NKAIN2: variants seen among roughly 807,000 people sequenced by gnomAD.
NKAIN2 encodes sodium/potassium-transporting ATPase subunit beta-1-interacting protein 2.
A neutral mutation model predicts 32.6 loss-of-function variants in NKAIN2; 14 were observed. The observed-to-expected ratio is 0.43, with a 90% CI of 0.28 to 0.67. The LOEUF is 0.67. Ranked by LOEUF, NKAIN2 falls within the 30% of genes least tolerant of loss-of-function variation. The pLI is 0.17. For missense variants in NKAIN2, 198 were observed against 258.3 expected (o/e 0.77, Z 1.60); for synonymous variants, 80 against 87.2 (o/e 0.92, Z 0.46).
intron 3 of NKAIN2, among the ~76,000 whole-genome samples, chr6:124,588,915 A>G (rs1446358950): frequency 6.6e-6 from 1 of 152,164 alleles, no homozygotes; most frequent in African/African-American, 2.4e-5. Flanking sequence ...CCATTGGAGG[A>G]ATCTATTTTA....
At chr6:124,345,575 G>C (rs1274041446) in intron 2 of NKAIN2, among the ~76,000 whole-genome samples, 1 of 151,734 alleles carries the variant, frequency 6.6e-6, no homozygotes, top group East Asian at 1.9e-4. Flanking sequence ...GAGTGTATGT[G>C]TCGAGGAATT....
At chr6:124,589,066 T>C (rs1162961857) in intron 3 of NKAIN2, among the ~76,000 whole-genome samples, 2 of 152,272 alleles carry the variant, frequency 1.3e-5, no homozygotes, top group East Asian at 3.9e-4. Context: ...AGGCAAAAGA[T>C]TAGCTTATGA....
intron 3 of NKAIN2, among the ~76,000 whole-genome samples, chr6:124,451,017 G>T (rs897009196): frequency 2.0e-5 from 3 of 152,028 alleles, no homozygotes; most frequent in African/African-American, 7.2e-5. Flanking sequence ...ACTAAAACAT[G>T]CATCAATGAA....
chr6:123,972,893 G>T (rs1268984519), intron 1 of NKAIN2, among the ~76,000 whole-genome samples: 1 of 151,960 alleles, frequency 6.6e-6, no homozygotes, highest in Admixed American at 6.6e-5. Context: ...TACATACTGT[G>T]GTTAGAAAAG....
chr6:124,770,183 AT>A (rs1778686370), intron 4 of NKAIN2, among the ~76,000 whole-genome samples: 1 of 152,176 alleles, frequency 6.6e-6, no homozygotes, highest in African/African-American at 2.4e-5. Flanking sequence ...AAAACATCAC[AT>A]TTTAAATTTA....
intron 1 of NKAIN2, among the ~76,000 whole-genome samples, chr6:124,052,620 T>G (rs1010318469): frequency 6.6e-6 from 1 of 151,970 alleles, no homozygotes; most frequent in African/African-American, 2.4e-5. Context: ...TACAACAATA[T>G]AAGCTTCACA....
chr6:123,834,544 A>T (rs578046108), intron 1 of NKAIN2, among the ~76,000 whole-genome samples: 7 of 152,206 alleles, frequency 4.6e-5, no homozygotes, highest in African/African-American at 1.7e-4. Context: ...CTTCCTTCCC[A>T]ATCTGTGTAT....
intron 3 of NKAIN2, among the ~76,000 whole-genome samples, chr6:124,399,123 C>T (rs1209364564): frequency 6.6e-6 from 1 of 152,170 alleles, no homozygotes; most frequent in Non-Finnish European, 1.5e-5. Context: ...GACAGGGTTT[C>T]ACCATGTTGG....
intron 3 of NKAIN2, among the ~76,000 whole-genome samples, chr6:124,654,765 C>A (rs974635834): frequency 2.0e-5 from 3 of 152,048 alleles, no homozygotes; most frequent in African/African-American, 7.2e-5. Flanking sequence ...GGAATGAAGG[C>A]AGAGATTAGG....
intron 5 of NKAIN2, among the ~76,000 whole-genome samples, chr6:124,814,639 C>T (rs1444398495): frequency 6.6e-6 from 1 of 152,140 alleles, no homozygotes; most frequent in African/African-American, 2.4e-5. Flanking sequence ...CCCCAGGCCA[C>T]TCAAGCTCCA....
intron 4 of NKAIN2, among the ~76,000 whole-genome samples, chr6:124,733,034 A>G (rs10782227): frequency 1.3e-5 from 2 of 151,618 alleles, no homozygotes; most frequent in Non-Finnish European, 2.9e-5. Context: ...CCTTAAGGGC[A>G]TATGTTAACT....
At chr6:124,510,550 A>C (rs953312001) in intron 3 of NKAIN2, among the ~76,000 whole-genome samples, 1 of 152,206 alleles carries the variant, frequency 6.6e-6, no homozygotes, top group Non-Finnish European at 1.5e-5. Flanking sequence ...TAAGAGATTC[A>C]TGCTGTTCTT....
At chr6:124,527,009 C>A (rs1779344633) in intron 3 of NKAIN2, among the ~76,000 whole-genome samples, 2 of 152,076 alleles carry the variant, frequency 1.3e-5, no homozygotes, top group Non-Finnish European at 2.9e-5. Flanking sequence ...TACCACAGTA[C>A]TTAACTACTA....
chr6:123,911,793 A>ATGTG, intron 1 of NKAIN2, among the ~76,000 whole-genome samples: 1 of 104,292 alleles, frequency 9.6e-6, no homozygotes, highest in African/African-American at 4.4e-5. Flanking sequence ...ATATATATAT[A>ATGTG]TATATATGTA....
intron 2 of NKAIN2, among the ~76,000 whole-genome samples, chr6:124,289,848 T>C (rs1795719975): frequency 6.6e-6 from 1 of 152,136 alleles, no homozygotes; most frequent in Non-Finnish European, 1.5e-5. Flanking sequence ...CTTTATTCAA[T>C]TTTTCTAGGA....
intron 1 of NKAIN2, among the ~76,000 whole-genome samples, chr6:124,186,623 T>C (rs530755994): frequency 7.2e-5 from 11 of 152,340 alleles, no homozygotes; most frequent in Non-Finnish European, 1.6e-4. Flanking sequence ...CACCTGTGTC[T>C]AGGAAATCTA....
At chr6:124,452,407 T>G (rs1434246626) in intron 3 of NKAIN2, among the ~76,000 whole-genome samples, 1 of 152,054 alleles carries the variant, frequency 6.6e-6, no homozygotes, top group Non-Finnish European at 1.5e-5. Context: ...AAACTTCTAT[T>G]GGGGTTTATT....
intron 1 of NKAIN2, among the ~76,000 whole-genome samples, chr6:124,193,870 G>A (rs1440644638): frequency 1.3e-5 from 2 of 152,038 alleles, no homozygotes; most frequent in Non-Finnish European, 2.9e-5. Flanking sequence ...CCTCTTGGCA[G>A]GCAAATCATT....
At chr6:123,954,763 GT>G (rs1455919002) in intron 1 of NKAIN2, among the ~76,000 whole-genome samples, 1 of 152,158 alleles carries the variant, frequency 6.6e-6, no homozygotes, top group Non-Finnish European at 1.5e-5. Context: ...TCTCTGGCTT[GT>G]TTATTGTTGG....
Sources: allele counts gnomAD v4.1 joint callset (sites outside exome capture counted in the v4.1 genomes callset), GRCh38; gene constraint gnomAD v4.1.1; transcripts MANE v1.5; gene names NCBI Gene and HGNC (gene_info 2026-07-23, HGNC 2026-07-21).